SLC26A5: variants seen among roughly 807,000 people sequenced by gnomAD.
SLC26A5 encodes the protein prestin.
SLC26A5 carries 51 observed loss-of-function variants against 81.0 expected under a neutral mutation model. That is an observed-to-expected ratio of 0.63 (90% CI 0.50 to 0.80). SLC26A5 has a LOEUF of 0.80. Ranked by LOEUF, SLC26A5 falls within the 30% of genes least tolerant of loss-of-function variation. The pLI is 0.00. For missense variants in SLC26A5, 771 were observed against 905.8 expected, an observed-to-expected ratio of 0.85 and a Z score of 1.91; for synonymous variants, 325 against 332.8, an observed-to-expected ratio of 0.98 and a Z score of 0.25.
intron 14 of SLC26A5, among the ~76,000 whole-genome samples, chr7:103,386,524 C>G (rs1193837819): frequency 6.6e-6 from 1 of 151,894 alleles, no homozygotes; most frequent in Non-Finnish European, 1.5e-5. Flanking sequence ...GATCATGCCA[C>G]TGCACTCCAG....
At chr7:103,407,757 C>G in intron 8 of SLC26A5, 94 bp downstream of exon 8, 2 of 1,431,032 alleles carry the variant, frequency 1.4e-6, no homozygotes, top group Non-Finnish European at 1.9e-6. Context: ...GAATTGAGAG[C>G]AAAAAATTCC....
intron 2 of SLC26A5, among the ~76,000 whole-genome samples, chr7:103,427,849 T>TCC (rs2116774136): frequency 1.0e-5 from 1 of 99,354 alleles, no homozygotes; most frequent in African/African-American, 9.0e-5. Flanking sequence ...CTTCTAGAGA[T>TCC]TCTTTTTTTT....
intron 4 of SLC26A5, among the ~76,000 whole-genome samples, chr7:103,419,733 T>C (rs1825190071): frequency 6.6e-6 from 1 of 152,080 alleles, no homozygotes. Context: ...ATATGGGGTT[T>C]CACCATGTTG....
chr7:103,421,098 GAGAATT>G (rs1351255587), intron 3 of SLC26A5, among the ~76,000 whole-genome samples: 1 of 152,130 alleles, frequency 6.6e-6, no homozygotes, highest in Non-Finnish European at 1.5e-5. Flanking sequence ...AAGGTGGGTG[GAGAATT>G]AGAAAGCATG....
At chr7:103,366,145 G>T in intron 19 of SLC26A5, 1 of 1,613,524 alleles carries the variant, frequency 6.2e-7, no homozygotes, top group Non-Finnish European at 8.5e-7. Context: ...CTTCTTTGAT[G>T]AAATTGATGC....
intron 19 of SLC26A5, among the ~76,000 whole-genome samples, chr7:103,374,947 G>A (rs1178856936): frequency 6.7e-6 from 1 of 148,800 alleles, no homozygotes; most frequent in Non-Finnish European, 1.5e-5. Flanking sequence ...ATATAAGTAT[G>A]TATTCTTATT....
chr7:103,369,456 C>T (rs1057462057), downstream of SLC26A5: 1 of 152,196 alleles, frequency 6.6e-6, no homozygotes, highest in African/African-American at 2.4e-5. Flanking sequence ...AAAGACAACT[C>T]GAATTAGATA....
chr7:103,438,722 T>C (rs779321405), intron 2 of SLC26A5, among the ~76,000 whole-genome samples: 1 of 152,178 alleles, frequency 6.6e-6, no homozygotes, highest in Non-Finnish European at 1.5e-5. Context: ...TTACTGTGCA[T>C]TTCAGACTAC....
intron 8 of SLC26A5, among the ~76,000 whole-genome samples, chr7:103,402,704 T>A (rs1236954385): frequency 6.6e-6 from 1 of 152,070 alleles, no homozygotes; most frequent in African/African-American, 2.4e-5. Flanking sequence ...CAGCCAGTAG[T>A]TTGTATTTCT....
At chr7:103,404,623 T>G (rs937752347) in intron 8 of SLC26A5, among the ~76,000 whole-genome samples, 2 of 152,206 alleles carry the variant, frequency 1.3e-5, no homozygotes, top group African/African-American at 4.8e-5. Flanking sequence ...ATTTTTTCCT[T>G]CATTTCAACC....
intron 18 of SLC26A5, 103 bp from the exon 19 acceptor site, chr7:103,376,965 C>T (rs1291358108): frequency 2.6e-6 from 2 of 769,446 alleles, no homozygotes; most frequent in Non-Finnish European, 4.5e-6. Flanking sequence ...CTAATTCATT[C>T]ACTTGAGCTA....
intron 19 of SLC26A5, chr7:103,352,936 G>A: frequency 1.3e-6 from 1 of 780,888 alleles, no homozygotes; most frequent in Non-Finnish European, 2.4e-6. Flanking sequence ...GCTGAAACAA[G>A]AGGGTAGAGT....
chr7:103,388,719 A>G (rs1822404111), intron 14 of SLC26A5: 1 of 381,164 alleles, frequency 2.6e-6, no homozygotes, highest in Non-Finnish European at 5.1e-6. Context: ...GCATAGCACT[A>G]GACCAGGAAT....
chr7:103,369,982 T>C (rs928661060), downstream of SLC26A5, among the ~76,000 whole-genome samples: 1 of 152,196 alleles, frequency 6.6e-6, no homozygotes, highest in African/African-American at 2.4e-5. Flanking sequence ...TGCTCAAACT[T>C]GATAAAATCT....
chr7:103,368,003 T>G (rs1338736968), intron 19 of SLC26A5: 1 of 1,614,022 alleles, frequency 6.2e-7, no homozygotes, highest in South Asian at 1.1e-5. Flanking sequence ...ATAAGGTCAT[T>G]AAGTCTTATG....
chr7:103,443,736 T>A (rs1428913009), intron 1 of SLC26A5, among the ~76,000 whole-genome samples: 3 of 152,248 alleles, frequency 2.0e-5, no homozygotes, highest in African/African-American at 7.2e-5. Flanking sequence ...GTATTTATTC[T>A]ATTTGAAAGT....
intron 2 of SLC26A5, 75 bp from the exon 3 acceptor site, chr7:103,421,642 G>T: frequency 6.8e-6 from 7 of 1,025,016 alleles, no homozygotes; most frequent in South Asian, 6.8e-5. Context: ...TCTCTTCTTT[G>T]TGGTGTTCCA....
intron 14 of SLC26A5, among the ~76,000 whole-genome samples, chr7:103,380,864 C>T (rs1227439421): frequency 6.6e-6 from 1 of 151,772 alleles, no homozygotes; most frequent in African/African-American, 2.4e-5. Context: ...ACACACCACA[C>T]ACATACACAA....
At chr7:103,379,207 C>G in intron 16 of SLC26A5, 36 bp downstream of exon 16, 1 of 1,459,964 alleles carries the variant, frequency 6.8e-7, no homozygotes. Flanking sequence ...ACCCACAAAT[C>G]CCATCCTCAG....
Sources: allele counts gnomAD v4.1 joint callset (sites outside exome capture counted in the v4.1 genomes callset), GRCh38; gene constraint gnomAD v4.1.1; transcripts MANE v1.5; gene names NCBI Gene and HGNC (gene_info 2026-07-23, HGNC 2026-07-21).